NEDD4L: variants seen among roughly 807,000 people sequenced by gnomAD.
NEDD4L encodes the protein E3 ubiquitin-protein ligase NEDD4-like.
Under a neutral mutation model 148.9 loss-of-function variants are expected in NEDD4L, and 54 were observed. That is an observed-to-expected ratio of 0.36 (90% CI 0.29 to 0.45). The LOEUF is 0.45. Among genes scored for constraint, NEDD4L ranks in the 20% least tolerant of loss-of-function variants. The probability of loss-of-function intolerance (pLI) is 1.00; values close to 1 mark genes in which losing one functional copy is unlikely to be tolerated. For missense variants in NEDD4L, 856 were observed against 1,233.8 expected (o/e 0.69, Z 4.59); for synonymous variants, 433 against 440.7 (o/e 0.98, Z 0.22).
At chr18:58,150,470 C>T (rs1307730573) in intron 1 of NEDD4L, among the ~76,000 whole-genome samples, 1 of 152,252 alleles carries the variant, frequency 6.6e-6, no homozygotes, top group East Asian at 1.9e-4. Context: ...AGGTGATCCG[C>T]CTGCCTTGGC....
chr18:58,227,932 AT>A, intron 2 of NEDD4L: 2 of 798,684 alleles, frequency 2.5e-6, no homozygotes, highest in Non-Finnish European at 3.0e-6. Flanking sequence ...TTTCTATCCA[AT>A]TTACCCCAAA....
At chr18:58,070,591 A>T (rs1260928497) in intron 1 of NEDD4L, among the ~76,000 whole-genome samples, 1 of 152,114 alleles carries the variant, frequency 6.6e-6, no homozygotes, top group Non-Finnish European at 1.5e-5. Flanking sequence ...AGAAGGCTCT[A>T]CCTTCTCTGC....
chr18:58,374,140 T>C (rs531882146), intron 24 of NEDD4L, among the ~76,000 whole-genome samples: 1 of 152,334 alleles, frequency 6.6e-6, no homozygotes, highest in African/African-American at 2.4e-5. Flanking sequence ...ATGTCAAAGA[T>C]TGCTAGAGAA....
chr18:58,081,069 A>G (rs533411152), intron 1 of NEDD4L, among the ~76,000 whole-genome samples: 3 of 152,278 alleles, frequency 2.0e-5, no homozygotes, highest in South Asian at 4.2e-4. Context: ...GCTACTTTCA[A>G]TGAATAAAAA....
intron 5 of NEDD4L, among the ~76,000 whole-genome samples, chr18:58,270,525 T>C (rs12604734): frequency 0.19 from 28,271 of 152,188 alleles, 2,901 homozygotes; most frequent in East Asian, 0.3. Context: ...GTTCTGAACA[T>C]ATCTGAACAA....
intron 5 of NEDD4L, among the ~76,000 whole-genome samples, chr18:58,288,760 G>A (rs2054278796): frequency 6.6e-6 from 1 of 151,960 alleles, no homozygotes. Context: ...TTCACTATGC[G>A]ACGTTCTTTG....
intron 2 of NEDD4L, among the ~76,000 whole-genome samples, chr18:58,211,875 A>G (rs1023091380): frequency 2.0e-5 from 3 of 152,202 alleles, no homozygotes; most frequent in African/African-American, 7.2e-5. Flanking sequence ...ATAGTTCAGT[A>G]CTGTTGAGGT....
chr18:58,273,007 T>C (rs1185939080), intron 5 of NEDD4L, among the ~76,000 whole-genome samples: 1 of 152,030 alleles, frequency 6.6e-6, no homozygotes, highest in Non-Finnish European at 1.5e-5. Context: ...AACTCAGGAG[T>C]GGCCTGTAAG....
At chr18:58,294,640 T>C (rs796738823) in intron 5 of NEDD4L, among the ~76,000 whole-genome samples, 3 of 152,012 alleles carry the variant, frequency 2.0e-5, no homozygotes, top group African/African-American at 7.2e-5. Flanking sequence ...TTTGAGCTCA[T>C]AGGTAAAAGG....
intron 1 of NEDD4L, among the ~76,000 whole-genome samples, chr18:58,071,976 G>A (rs2082893540): frequency 6.6e-6 from 1 of 152,120 alleles, no homozygotes; most frequent in Non-Finnish European, 1.5e-5. Flanking sequence ...GATTTGGGTG[G>A]GGACACAGAG....
At chr18:58,326,635 G>T (rs1435133806) in intron 9 of NEDD4L, among the ~76,000 whole-genome samples, 3 of 152,202 alleles carry the variant, frequency 2.0e-5, no homozygotes, top group Admixed American at 6.5e-5. Flanking sequence ...TTGCTCAACA[G>T]CATGAGAAAG....
intron 1 of NEDD4L, among the ~76,000 whole-genome samples, chr18:58,061,219 G>T: frequency 6.6e-6 from 1 of 152,264 alleles, no homozygotes; most frequent in East Asian, 1.9e-4. Context: ...CTGCTGTAGT[G>T]TAGTATCAGT....
chr18:58,271,570 A>G (rs948511486), intron 5 of NEDD4L, among the ~76,000 whole-genome samples: 1 of 152,250 alleles, frequency 6.6e-6, no homozygotes, highest in Admixed American at 6.5e-5. Flanking sequence ...TTAGCTAGAA[A>G]AGAAATTAAG....
intron 1 of NEDD4L, among the ~76,000 whole-genome samples, chr18:58,097,319 C>T (rs1186008226): frequency 6.6e-6 from 1 of 152,172 alleles, no homozygotes; most frequent in Admixed American, 6.5e-5. Context: ...GGCCATAGTT[C>T]GCAGTTGGCC....
chr18:58,117,090 C>G (rs1269099819), intron 1 of NEDD4L, among the ~76,000 whole-genome samples: 1 of 152,206 alleles, frequency 6.6e-6, no homozygotes, highest in African/African-American at 2.4e-5. Context: ...GAGGAATGAA[C>G]TAAGAATTTT....
chr18:58,393,768 C>T (rs1348829555), intron 30 of NEDD4L, among the ~76,000 whole-genome samples: 2 of 152,188 alleles, frequency 1.3e-5, no homozygotes, highest in African/African-American at 4.8e-5. Context: ...ATTTCTTCCA[C>T]GTTTTATGAT....
chr18:58,298,589 T>A (rs1238780196), intron 5 of NEDD4L, among the ~76,000 whole-genome samples: 1 of 152,238 alleles, frequency 6.6e-6, no homozygotes, highest in African/African-American at 2.4e-5. Context: ...TTAAAGTTTG[T>A]CTTTTCCTTC....
intron 1 of NEDD4L, among the ~76,000 whole-genome samples, chr18:58,083,425 C>T (rs182491369): frequency 3.7e-4 from 57 of 152,258 alleles, no homozygotes; most frequent in African/African-American, 8.4e-4. Context: ...CGGTGGCTCA[C>T]GCCTGTAATC....
At chr18:58,338,829 TC>T (rs1489024469) in intron 13 of NEDD4L, among the ~76,000 whole-genome samples, 1 of 152,144 alleles carries the variant, frequency 6.6e-6, no homozygotes, top group Non-Finnish European at 1.5e-5. Flanking sequence ...GGCAGGAGAA[TC>T]ACTTGAACAT....
Sources: allele counts gnomAD v4.1 joint callset (sites outside exome capture counted in the v4.1 genomes callset), GRCh38; gene constraint gnomAD v4.1.1; transcripts MANE v1.5; gene names NCBI Gene and HGNC (gene_info 2026-07-23, HGNC 2026-07-21).